SLC38A6: variants seen among roughly 807,000 people sequenced by gnomAD.
SLC38A6 encodes solute carrier family 38 member 6.
A neutral mutation model predicts 65.0 loss-of-function variants in SLC38A6; 73 were observed. The ratio of observed to expected loss-of-function variants is 1.12; its 90% CI spans 0.93 to 1.37. The LOEUF is 1.37. SLC38A6 is among the 40% of genes most tolerant of loss of function. SLC38A6 has a pLI of 0.00. For missense variants in SLC38A6, 561 were observed against 531.1 expected (o/e 1.06, Z -0.55); for synonymous variants, 183 against 178.8 (o/e 1.02, Z -0.19).
intron 3 of SLC38A6, among the ~76,000 whole-genome samples, chr14:60,989,272 C>T (rs2037683864): frequency 1.3e-5 from 2 of 152,212 alleles, no homozygotes; most frequent in Admixed American, 6.5e-5. Flanking sequence ...TACATCACTC[C>T]AGCCACTTTC....
intron 1 of SLC38A6, chr14:60,981,722 C>G (rs2037042830): frequency 2.3e-6 from 3 of 1,310,318 alleles, no homozygotes; most frequent in Non-Finnish European, 2.0e-6. Flanking sequence ...ATTTTCTCCA[C>G]CAGTCTCGTG....
At chr14:60,990,037 C>CT (rs140660222) in intron 3 of SLC38A6, among the ~76,000 whole-genome samples, 32,281 of 149,004 alleles carry the variant, frequency 0.22, 4,228 homozygotes, top group Middle Eastern at 0.31. Context: ...CCCTTCTTTT[C>CT]TTTTTTTTTT....
At chr14:61,081,993 G>A (rs2043670497) in intron 16 of SLC38A6, among the ~76,000 whole-genome samples, 1 of 152,104 alleles carries the variant, frequency 6.6e-6, no homozygotes, top group South Asian at 2.1e-4. Context: ...TGCCACATGG[G>A]AGTGCACAGC....
intron 15 of SLC38A6, among the ~76,000 whole-genome samples, chr14:61,060,989 G>T (rs1394520006): frequency 2.0e-5 from 3 of 150,642 alleles, no homozygotes; most frequent in Non-Finnish European, 4.4e-5. Context: ...CTCGCGCACG[G>T]TGCGCGCACA....
chr14:60,982,084 GAGATT>G (rs1331161895), intron 1 of SLC38A6: 1 of 450,716 alleles, frequency 2.2e-6, no homozygotes, highest in Non-Finnish European at 4.5e-6. Context: ...TATATAAGTA[GAGATT>G]AGTTGTGCAG....
chr14:60,989,597 G>A (rs994359710), intron 3 of SLC38A6, among the ~76,000 whole-genome samples: 11 of 152,218 alleles, frequency 7.2e-5, no homozygotes, highest in African/African-American at 2.6e-4. Flanking sequence ...GGTGACATGA[G>A]CCTGTAGTCC....
At chr14:61,015,116 C>T (rs907138106) in intron 3 of SLC38A6, among the ~76,000 whole-genome samples, 1 of 152,208 alleles carries the variant, frequency 6.6e-6, no homozygotes, top group Non-Finnish European at 1.5e-5. Context: ...TGCAGCCTTG[C>T]AGTTTGATCT....
chr14:60,981,895 C>G (rs1282245053), intron 1 of SLC38A6, among the ~76,000 whole-genome samples: 1 of 152,118 alleles, frequency 6.6e-6, no homozygotes, highest in African/African-American at 2.4e-5. Context: ...AGTGGGCACT[C>G]CGCTTTTTAA....
At chr14:61,042,359 T>G (rs2041864717) in intron 8 of SLC38A6, among the ~76,000 whole-genome samples, 1 of 152,220 alleles carries the variant, frequency 6.6e-6, no homozygotes, top group Admixed American at 6.5e-5. Flanking sequence ...CTTGTCCTTT[T>G]GTGCACTGGG....
chr14:61,037,504 G>T, intron 7 of SLC38A6, 121 bp from the exon 8 acceptor site: 1 of 661,974 alleles, frequency 1.5e-6, no homozygotes, highest in East Asian at 2.8e-5. Flanking sequence ...TTGTTATTCT[G>T]AGCCCTAAGC....
chr14:61,050,796 G>A (rs556369151), intron 13 of SLC38A6, among the ~76,000 whole-genome samples, 160 bp downstream of exon 13: 6 of 152,186 alleles, frequency 3.9e-5, no homozygotes, highest in South Asian at 2.1e-4. Context: ...ATATGGCCCC[G>A]TAAAAGCATA....
At chr14:61,037,258 A>T in intron 7 of SLC38A6, 117 bp downstream of exon 7, 1 of 722,042 alleles carries the variant, frequency 1.4e-6, no homozygotes, top group Non-Finnish European at 2.2e-6. Flanking sequence ...TGGCAGAAGG[A>T]TGGTGGTTGT....
intron 3 of SLC38A6, among the ~76,000 whole-genome samples, chr14:61,012,150 G>T (rs1436797873): frequency 1.3e-5 from 2 of 152,210 alleles, no homozygotes; most frequent in Admixed American, 1.3e-4. Context: ...ATTTCTTCTA[G>T]ATTTTCTAGT....
At chr14:61,018,320 A>G (rs1433193548) in intron 4 of SLC38A6, among the ~76,000 whole-genome samples, 1 of 152,228 alleles carries the variant, frequency 6.6e-6, no homozygotes, top group Non-Finnish European at 1.5e-5. Context: ...TTTGGAACTA[A>G]GTTTTACATA....
At chr14:61,071,951 A>T (rs2043242618) in intron 15 of SLC38A6, among the ~76,000 whole-genome samples, 1 of 152,044 alleles carries the variant, frequency 6.6e-6, no homozygotes, top group Non-Finnish European at 1.5e-5. Flanking sequence ...CCCATGTGAG[A>T]ATTGTCCCCT....
chr14:61,030,641 GACA>G (rs1194032899), intron 6 of SLC38A6, 118 bp downstream of exon 6: 2 of 654,414 alleles, frequency 3.1e-6, no homozygotes, highest in East Asian at 5.5e-5. Flanking sequence ...TTGCCCTCAA[GACA>G]GTTACAAATT....
At chr14:60,984,923 T>G (rs1339465236) in intron 3 of SLC38A6, 120 bp downstream of exon 3, 1 of 931,256 alleles carries the variant, frequency 1.1e-6, no homozygotes, top group East Asian at 2.6e-5. Context: ...TTAGATAGGG[T>G]GATCGGAATG....
At chr14:61,010,516 G>C (rs527735138) in intron 3 of SLC38A6, among the ~76,000 whole-genome samples, 2 of 152,248 alleles carry the variant, frequency 1.3e-5, no homozygotes, top group South Asian at 4.1e-4. Context: ...ATGGTTTTAG[G>C]TCTAACATTT....
intron 9 of SLC38A6, 73 bp downstream of exon 9, chr14:61,043,285 C>A (rs970114312): frequency 6.0e-6 from 7 of 1,166,218 alleles, no homozygotes; most frequent in Admixed American, 2.5e-5. Context: ...ACTAATGATT[C>A]TTTTCTGATT....
Sources: allele counts gnomAD v4.1 joint callset (sites outside exome capture counted in the v4.1 genomes callset), GRCh38; gene constraint gnomAD v4.1.1; transcripts MANE v1.5; gene names NCBI Gene and HGNC (gene_info 2026-07-23, HGNC 2026-07-21).